Variants in IGF1R observed in about 807,000 individuals in gnomAD.
IGF1R encodes the protein insulin like growth factor 1 receptor.
A neutral mutation model predicts 144.6 loss-of-function variants in IGF1R; 44 were observed. That is an observed-to-expected ratio of 0.30 (90% CI 0.24 to 0.39). The LOEUF is 0.39. Ranked by LOEUF, IGF1R falls within the 10% of genes least tolerant of loss-of-function variation. IGF1R has a pLI of 1.00. For synonymous variants in IGF1R, 795 were observed against 722.8 expected, an observed-to-expected ratio of 1.10 and a Z score of -1.60; for missense variants, 1,355 against 1,833.7, an observed-to-expected ratio of 0.74 and a Z score of 4.77.
At chr15:98,802,180 C>T (rs1249862818) in intron 2 of IGF1R, among the ~76,000 whole-genome samples, 3 of 152,088 alleles carry the variant, frequency 2.0e-5, no homozygotes, top group Non-Finnish European at 4.4e-5. Flanking sequence ...CCTGTAGGTG[C>T]GAGAGGGAAT....
intron 1 of IGF1R, among the ~76,000 whole-genome samples, chr15:98,696,471 AGCAAG>A (rs1275507028): frequency 1.1e-4 from 17 of 152,252 alleles, no homozygotes; most frequent in African/African-American, 3.9e-4. Context: ...AAGAGATCTT[AGCAAG>A]GCATTGTAGA....
chr15:98,886,139 G>T (rs893434125), intron 2 of IGF1R, among the ~76,000 whole-genome samples: 87 of 152,028 alleles, frequency 5.7e-4, no homozygotes, highest in Non-Finnish European at 2.4e-4. Flanking sequence ...TTTAAAAATG[G>T]TTTCTCTGCA....
chr15:98,766,471 T>C (rs2055439894), intron 2 of IGF1R, among the ~76,000 whole-genome samples: 1 of 152,202 alleles, frequency 6.6e-6, no homozygotes, highest in Non-Finnish European at 1.5e-5. Flanking sequence ...GAACTTTGAT[T>C]CATTGAAAGA....
At chr15:98,908,970 A>T in intron 6 of IGF1R, 71 bp downstream of exon 6, 1 of 1,393,332 alleles carries the variant, frequency 7.2e-7, no homozygotes, top group Admixed American at 1.9e-5. Flanking sequence ...CCCATGTGTG[A>T]TGGCAGCTTT....
Position 98,707,959 on chromosome 15 carries a change from G to T in IGF1R, c.492G>T (p.Val164=), listed in dbSNP as rs45582234. The T allele has an allele frequency of 1.0e-4, 164 of 1,614,176 alleles. No individual in the cohort carries two copies. In the African/African-American group the frequency reaches 2.0e-3, roughly 19 times the overall value. ...ACTGGTCCCTGATCCTGGATGCGGT[G>T]TCCAATAACTACATTGTGGGGAATA... is the stretch of plus-strand genomic sequence containing the variant. The part of the protein sequence containing the change: ...TVDWSLILDA[V]SNNYIVGNKP... Residue 164 remains valine, a synonymous_variant, in exon 2 of 21, where the codon GTG becomes GTT. Coordinates refer to ENST00000650285, the MANE Select transcript of IGF1R (RefSeq NM_000875.5). This position sits in a 1 kb window ranked among gnomAD's most constrained non-coding sequence, Gnocchi z 6.7.
At chr15:98,918,124 GCTCCCTGGCCCCCT>G (rs1018799965) in intron 10 of IGF1R, among the ~76,000 whole-genome samples, 5 of 152,128 alleles carry the variant, frequency 3.3e-5, no homozygotes, top group Admixed American at 6.5e-5. Context: ...GCACAGTGGT[GCTCCCTGGCCCCCT>G]CTTCCTGTAA....
chr15:98,747,212 T>C (rs545919205), intron 2 of IGF1R, among the ~76,000 whole-genome samples: 2 of 152,254 alleles, frequency 1.3e-5, no homozygotes, highest in Admixed American at 1.3e-4. Context: ...TGTTGTGTTT[T>C]TGAGACAGAG....
intron 2 of IGF1R, among the ~76,000 whole-genome samples, chr15:98,722,585 C>G (rs1050937453): frequency 6.6e-6 from 1 of 152,184 alleles, no homozygotes; most frequent in East Asian, 1.9e-4. Context: ...CATTATTTAT[C>G]TCTGACTACT....
At chr15:98,890,812 A>G in intron 2 of IGF1R, 1 of 169,006 alleles carries the variant, frequency 5.9e-6, no homozygotes, top group East Asian at 1.6e-4. Context: ...TTTGAATGGT[A>G]TCATCTTTAC....
intron 2 of IGF1R, among the ~76,000 whole-genome samples, chr15:98,801,870 G>A (rs541522133): frequency 6.6e-6 from 1 of 152,320 alleles, no homozygotes; most frequent in African/African-American, 2.4e-5. Flanking sequence ...CTGAAACACT[G>A]CAAGCCAATG....
intron 8 of IGF1R, among the ~76,000 whole-genome samples, chr15:98,915,490 C>T (rs1242241613): frequency 6.6e-6 from 1 of 152,198 alleles, no homozygotes; most frequent in Admixed American, 6.5e-5. Context: ...ACTCTCCAGG[C>T]CCCTTTCCAC....
At chr15:98,804,296 G>A (rs538479635) in intron 2 of IGF1R, among the ~76,000 whole-genome samples, 7 of 152,276 alleles carry the variant, frequency 4.6e-5, no homozygotes, top group East Asian at 3.9e-4. Context: ...GTTTTAGAAT[G>A]CCATGAAATA....
chr15:98,779,285 T>TA (rs1336896145), intron 2 of IGF1R, among the ~76,000 whole-genome samples: 1 of 152,246 alleles, frequency 6.6e-6, no homozygotes, highest in Non-Finnish European at 1.5e-5. Flanking sequence ...ATGATGACTT[T>TA]AAAATGCAAT....
chr15:98,686,556 A>T (rs2053333304), intron 1 of IGF1R, among the ~76,000 whole-genome samples: 1 of 151,674 alleles, frequency 6.6e-6, no homozygotes, highest in African/African-American at 2.4e-5. Context: ...GTTTATTTTT[A>T]TTTATTTTTT....
chr15:98,924,399 C>G, intron 12 of IGF1R, 126 bp from the exon 13 acceptor site: 1 of 890,970 alleles, frequency 1.1e-6, no homozygotes, highest in South Asian at 1.3e-5. Context: ...TACTGACACT[C>G]AGGATCATTG....
chr15:98,682,111 C>T (rs2053204143), intron 1 of IGF1R, among the ~76,000 whole-genome samples: 1 of 152,282 alleles, frequency 6.6e-6, no homozygotes, highest in Admixed American at 6.5e-5. Flanking sequence ...ACCGTTGGAA[C>T]CTTCAGGGCA....
intron 2 of IGF1R, among the ~76,000 whole-genome samples, chr15:98,748,472 G>A (rs2054924020): frequency 6.6e-6 from 1 of 152,218 alleles, no homozygotes; most frequent in South Asian, 2.1e-4. Context: ...ACCACATGCA[G>A]TCCGTGTACA....
intron 2 of IGF1R, among the ~76,000 whole-genome samples, chr15:98,760,260 G>C (rs2055260213): frequency 6.6e-6 from 1 of 152,016 alleles, no homozygotes; most frequent in Non-Finnish European, 1.5e-5. Flanking sequence ...CTGAGGGCAG[G>C]AGAATGGCTT....
chr15:98,881,901 A>G (rs2013403189), intron 2 of IGF1R, among the ~76,000 whole-genome samples: 1 of 152,254 alleles, frequency 6.6e-6, no homozygotes, highest in East Asian at 1.9e-4. Context: ...GTGAATATTA[A>G]CTGTATATTA....
Sources: allele counts gnomAD v4.1 joint callset (sites outside exome capture counted in the v4.1 genomes callset), GRCh38; gene constraint gnomAD v4.1.1; non-coding constraint Gnocchi (gnomAD v3.1); transcripts MANE v1.5; gene names NCBI Gene and HGNC (gene_info 2026-07-23, HGNC 2026-07-21).